TRIM4: variants seen among roughly 807,000 people sequenced by gnomAD.
The protein encoded by TRIM4 is E3 ubiquitin-protein ligase TRIM4.
Under a neutral mutation model 33.7 loss-of-function variants are expected in TRIM4, and 29 were observed. That is an observed-to-expected ratio of 0.86 (90% CI 0.64 to 1.17). The LOEUF is 1.17. Among genes scored for constraint, TRIM4 ranks in the 50% most tolerant of loss-of-function variants. TRIM4 has a pLI of 0.00. For synonymous variants in TRIM4, 224 were observed against 233.0 expected (o/e 0.96, Z 0.35); for missense variants, 554 against 593.7 (o/e 0.93, Z 0.69).
At chr7:99,896,731 T>G (rs528705765) in intron 5 of TRIM4, among the ~76,000 whole-genome samples, 2 of 152,186 alleles carry the variant, frequency 1.3e-5, no homozygotes, top group African/African-American at 2.4e-5. Flanking sequence ...GTTGTCCACA[T>G]GTATGTGGGG....
At position 99,903,563 on chromosome 7, in the gene TRIM4, C is replaced by T. The variant is rs1276450146; in HGVS notation, c.743+13G>A. On this transcript the variant is annotated intron_variant, in intron 4 of 5. Transcript: ENST00000349062. ...TGCCACCCAGGTCCCCATAAGAGAA[C>T]AGGAGTGCATACCTGGTCAACACTT... The T allele has an allele frequency of 2.5e-6, 4 of 1,614,160 alleles. No homozygotes were observed. Among genetic ancestry groups the T allele is most frequent in the East Asian group, 2.2e-5 (1 of 44,884 alleles).
At position 99,892,396 on chromosome 7, in the gene TRIM4, C is replaced by A. The variant is rs1818911722; in HGVS notation, c.1192G>T (p.Ala398Ser). The change falls in exon 6 of 6, where the codon GCT (alanine) becomes TCT (serine). Residue 398 changes from alanine to serine, a missense_variant. Ala to Ser is a moderately conservative substitution (Grantham distance 99). Coordinates refer to ENST00000349062, the MANE Select transcript of TRIM4 (RefSeq NM_033091.3). Reference sequence around the variant, plus strand: ...AAGCCTATCAAGGGCCAATAGCCAGCAGCACTCCAATAAATCGCCCAGATG... The same window carrying A: ...AAGCCTATCAAGGGCCAATAGCCAGAAGCACTCCAATAAATCGCCCAGATG... ...VGIWAIYWSAAGYWPLIGFPG... is the reference protein window; with the variant it reads ...VGIWAIYWSASGYWPLIGFPG... The A allele has an allele frequency of 6.2e-7, 1 of 1,614,092 alleles. No individual in the cohort carries two copies. Among genetic ancestry groups the A allele is most frequent in the Non-Finnish European group, 8.5e-7 (1 of 1,180,012 alleles).
rs1030345772 is a variant in TRIM4 at position 99,919,045 on chromosome 7, G to A, written c.357C>T (p.Ala119=). The A allele has an allele frequency of 6.3e-6, 10 of 1,584,056 alleles. No individual in the cohort carries two copies. The African/African-American group carries it at 1.4e-4, about 22-fold the overall frequency. The change falls in exon 1 of 6, where the codon GCC becomes GCT. Residue 119 remains alanine, a synonymous_variant. Transcript: ENST00000349062. The stretch of plus-strand genomic sequence containing the variant: ...CGAAGGCCTCGTCGATGGGTGCCAT[G>A]GCGTGAGTCTGGTGCTCCTGGGACT... ...CRESQEHQTH[A]MAPIDEAFES...
chr7:99,900,609 T>G (rs1281817678), intron 5 of TRIM4, among the ~76,000 whole-genome samples: 2 of 152,254 alleles, frequency 1.3e-5, no homozygotes, highest in African/African-American at 2.4e-5. Flanking sequence ...GGACTTCCTT[T>G]AAGACTTCCT....
At chr7:99,894,780 A>G (rs117384638) in intron 5 of TRIM4, among the ~76,000 whole-genome samples, 4 of 152,264 alleles carry the variant, frequency 2.6e-5, no homozygotes, top group East Asian at 1.9e-4. Context: ...AGTTATCTCT[A>G]TCTTCATGAG....
rs769067170 is a variant in TRIM4 at position 99,909,461 on chromosome 7, C to T, written c.489+104G>A. 8.2e-4 allele frequency: 732 copies of T among 892,532 alleles called. 4 individuals carry two copies. The highest frequency in any genetic ancestry group is 4.0e-4 in the Admixed American group (17 of 42,332). The allele number at this position is 892,532 out of a possible 1,614,324, so 55.3% of individuals were successfully genotyped here. A position where few individuals can be genotyped will look rare whatever the true frequency, so the allele number is the denominator to read the frequency against. ...AGGTTCTGAGGCATCCAAGACTCTA[C>T]GTGAACTGCAAAACCCCATGACCAA... On this transcript the variant is annotated intron_variant, in intron 2 of 5. Coordinates refer to ENST00000349062, the MANE Select transcript of TRIM4 (RefSeq NM_033091.3).
intron 5 of TRIM4, among the ~76,000 whole-genome samples, chr7:99,894,890 TA>T (rs1344983725): frequency 6.6e-6 from 1 of 152,202 alleles, no homozygotes; most frequent in Non-Finnish European, 1.5e-5. Context: ...ATTATCCTTT[TA>T]ATATCTGCAG....
intron 1 of TRIM4, among the ~76,000 whole-genome samples, chr7:99,912,927 A>T (rs1819478192): frequency 6.6e-6 from 1 of 152,218 alleles, no homozygotes; most frequent in South Asian, 2.1e-4. Flanking sequence ...AGTTAACTTT[A>T]ATAGGCATGT....
At chr7:99,899,910 C>T (rs1168842133) in intron 5 of TRIM4, among the ~76,000 whole-genome samples, 1 of 152,154 alleles carries the variant, frequency 6.6e-6, no homozygotes. Flanking sequence ...CCCGCCGTGG[C>T]CTCCCAAGTA....
At chr7:99,899,110 A>C (rs371222863) in intron 5 of TRIM4, among the ~76,000 whole-genome samples, 1 of 152,340 alleles carries the variant, frequency 6.6e-6, no homozygotes, top group African/African-American at 2.4e-5. Context: ...CAGTAACTCC[A>C]GCACACCCTG....
At chr7:99,895,947 ATT>A (rs758969930) in intron 5 of TRIM4, among the ~76,000 whole-genome samples, 2 of 143,316 alleles carry the variant, frequency 1.4e-5, no homozygotes. Context: ...ATTGGGTCTT[ATT>A]TTTTTTTTTT....
chr7:99,893,330 C>T (rs897423776), intron 5 of TRIM4, among the ~76,000 whole-genome samples: 4 of 146,606 alleles, frequency 2.7e-5, no homozygotes, highest in Admixed American at 1.3e-4. Context: ...CAAGTTTTCA[C>T]AAACAGCCTA....
intron 3 of TRIM4, among the ~76,000 whole-genome samples, chr7:99,907,792 A>T (rs542384323): frequency 6.6e-6 from 1 of 152,344 alleles, no homozygotes; most frequent in Non-Finnish European, 1.5e-5. Context: ...ATGAAAAAAA[A>T]ATAGTAATGG....
At chr7:99,898,437 C>A (rs923081585) in intron 5 of TRIM4, among the ~76,000 whole-genome samples, 1 of 152,220 alleles carries the variant, frequency 6.6e-6, no homozygotes, top group Non-Finnish European at 1.5e-5. Flanking sequence ...TAACTGTCTC[C>A]ACGTAGGGGC....
At chr7:99,909,723 CTTTTTGTTTTTTTTT>C in intron 1 of TRIM4, 63 bp from the exon 2 acceptor site, 1 of 692,538 alleles carries the variant, frequency 1.4e-6, no homozygotes, top group Non-Finnish European at 2.1e-6. Context: ...CTTCTTTTTT[CTTTTTGTTTTTTTTT>C]TTTTTTTTTT....
intron 2 of TRIM4, among the ~76,000 whole-genome samples, chr7:99,909,104 T>C (rs1381705914): frequency 2.0e-5 from 3 of 151,106 alleles, no homozygotes; most frequent in African/African-American, 7.3e-5. Context: ...AGAACTCGTT[T>C]AGTTTTACCA....
At position 99,891,210 on chromosome 7, in the gene TRIM4, T is replaced by C. The variant is rs1818885532; in HGVS notation, c.*953A>G. On this transcript the variant is annotated 3_prime_UTR_variant, in exon 6 of 6. Coordinates refer to ENST00000349062, the MANE Select transcript of TRIM4 (RefSeq NM_033091.3). ...TAAATGCTTCTGAATAAAGGGAGAG[T>C]AGATAAGAACTGGATTTTAATCCCA... 6.6e-6 allele frequency: 1 copy of C among 151,280 alleles called. No individual in the cohort carries two copies. Among genetic ancestry groups the C allele is most frequent in the Admixed American group, 6.6e-5 (1 of 15,200 alleles). The allele number at this position is 151,280 out of a possible 1,614,324, so 9.4% of individuals were successfully genotyped here. A position where few individuals can be genotyped will look rare whatever the true frequency, so the allele number is the denominator to read the frequency against.
intron 5 of TRIM4, among the ~76,000 whole-genome samples, chr7:99,897,773 C>A (rs1282208460): frequency 6.6e-6 from 1 of 152,230 alleles, no homozygotes; most frequent in East Asian, 1.9e-4. Flanking sequence ...CTGTCTTACT[C>A]TGGCCACTTG....
At position 99,892,706 on chromosome 7, in the gene TRIM4, G is replaced by A. The variant is rs148812488; in HGVS notation, c.882C>T (p.Leu294=). 4.1e-4 allele frequency: 659 copies of A among 1,613,912 alleles called. 4 individuals are homozygous for A. Among genetic ancestry groups the A allele is most frequent in the South Asian group, 4.1e-3 (370 of 91,074 alleles). ...CGTATCTCCCTTCCTGGGAGAAGACGAGTTTGGGATGAGCTGTGTCTTCAG... is the reference window on the plus strand; with the variant it reads ...CGTATCTCCCTTCCTGGGAGAAGACAAGTTTGGGATGAGCTGTGTCTTCAG... The part of the protein sequence containing the change: ...NLAEDTAHPK[L]VFSQEGRYVK... The change falls in exon 6 of 6, where the codon CTC becomes CTT. Residue 294 remains leucine (L), a synonymous_variant. Transcript: ENST00000349062.
Sources: gnomAD v4.1 joint callset for allele counts (sites outside exome capture counted in the v4.1 genomes callset) on GRCh38, gnomAD v4.1.1 for gene constraint, MANE v1.5 for transcripts, NCBI Gene and HGNC (gene_info 2026-07-23, HGNC 2026-07-21) for gene names.